EYA4: variants seen among roughly 807,000 people sequenced by gnomAD.
The protein encoded by EYA4 is EYA transcriptional coactivator and phosphatase 4.
A neutral mutation model predicts 87.9 loss-of-function variants in EYA4; 31 were observed. The observed-to-expected ratio is 0.35, with a 90% CI of 0.27 to 0.48. The LOEUF (loss-of-function observed/expected upper bound fraction) is 0.48, where lower values mean the gene tolerates loss of function less well. Ranked by LOEUF, EYA4 falls within the 20% of genes least tolerant of loss-of-function variation. The pLI, the probability that EYA4 is intolerant of heterozygous loss-of-function variation, is 0.99. For synonymous variants in EYA4, 263 were observed against 270.6 expected, an observed-to-expected ratio of 0.97 and a Z score of 0.28; for missense variants, 678 against 761.4, an observed-to-expected ratio of 0.89 and a Z score of 1.29.
rs1279268748 is a variant in EYA4 at position 133,525,137 on chromosome 6, T to A, written c.1739-17T>A. ...CCAGGTAACTTCACTCTGAACTTTA[T>A]CTCATTTATCTTCCAGGAAAAGAAA... On this transcript the variant is annotated splice_polypyrimidine_tract_variant and intron_variant, in intron 18 of 19. Transcript: ENST00000355286. 2 of 1,613,564 alleles carry A rather than the reference T, an allele frequency of 1.2e-6. No homozygotes were observed. The highest frequency in any genetic ancestry group is 1.3e-5 in the African/African-American group (1 of 74,886).
intron 3 of EYA4, among the ~76,000 whole-genome samples, chr6:133,414,078 T>C (rs1789493730): frequency 6.6e-6 from 1 of 152,218 alleles, no homozygotes; most frequent in African/African-American, 2.4e-5. Context: ...GTCACCTTGG[T>C]AGTGGAGTCT....
intron 5 of EYA4, among the ~76,000 whole-genome samples, chr6:133,450,354 T>A (rs1377921776): frequency 6.6e-6 from 1 of 152,208 alleles, no homozygotes; most frequent in Non-Finnish European, 1.5e-5. Flanking sequence ...ATCTCTTCTG[T>A]TAAGAATAAA....
In EYA4 at chr6:133,370,370, T is replaced by G. The variant is rs1386027177; in HGVS notation, c.34-12022T>G. Among the ~76,000 whole-genome samples, 3 of 152,224 alleles carry G rather than the reference T, an allele frequency of 2.0e-5. No individual in the cohort carries two copies. In the South Asian group the frequency reaches 6.2e-4, roughly 32 times the overall value. ...ACACATTTAAGTGTAGGCAGTTCTA[T>G]CTCAGAGAAAAATATTTTTCTTGTT... On this transcript the variant is annotated intron_variant, in intron 2 of 19. Transcript: ENST00000355286.
intron 2 of EYA4, among the ~76,000 whole-genome samples, chr6:133,315,723 T>A (rs1166122266): frequency 6.6e-6 from 1 of 152,150 alleles, no homozygotes; most frequent in Non-Finnish European, 1.5e-5. Flanking sequence ...TGGAAGTGAA[T>A]GATGGTGAGA....
chr6:133,317,846 C>G (rs1283378501), intron 2 of EYA4, among the ~76,000 whole-genome samples: 1 of 151,532 alleles, frequency 6.6e-6, no homozygotes, highest in Non-Finnish European at 1.5e-5. Flanking sequence ...TTCCCCCATC[C>G]TCCCATGCCC....
At chr6:133,411,194 G>A (rs1341744112) in intron 3 of EYA4, among the ~76,000 whole-genome samples, 18 of 151,960 alleles carry the variant, frequency 1.2e-4, no homozygotes, top group Admixed American at 1.2e-3. Flanking sequence ...TTTTTGATTC[G>A]GTGGTTTTTG....
In EYA4 at chr6:133,520,105, A is replaced by G. The variant is rs531971588; in HGVS notation, c.1617-2951A>G. On this transcript the variant is annotated intron_variant, in intron 17 of 19. Coordinates refer to ENST00000355286, the MANE Select transcript of EYA4 (RefSeq NM_004100.5). ...AGGGATGCCCTCTCTCACCACTCCT[A>G]TTCAACATAGTGTTGGAAGTTCTGG... 5.3e-5 allele frequency among the ~76,000 whole-genome samples: 8 copies of G among 151,960 alleles called. No individual in the cohort carries two copies. In the South Asian group the frequency reaches 1.7e-3, roughly 32 times the overall value.
chr6:133,423,853 C>T (rs1181441985), intron 3 of EYA4, among the ~76,000 whole-genome samples: 1 of 152,220 alleles, frequency 6.6e-6, no homozygotes, highest in African/African-American at 2.4e-5. Context: ...AGCCAGAAAC[C>T]TCTGTGACCG....
At chr6:133,397,133 A>AT (rs1447775211) in intron 3 of EYA4, among the ~76,000 whole-genome samples, 3 of 152,248 alleles carry the variant, frequency 2.0e-5, no homozygotes, top group Non-Finnish European at 4.4e-5. Flanking sequence ...GAACCATGGC[A>AT]TGGCTGCCCA....
chr6:133,470,089 G>C (rs1393613434), intron 11 of EYA4, among the ~76,000 whole-genome samples: 1 of 150,790 alleles, frequency 6.6e-6, no homozygotes, highest in Non-Finnish European at 1.5e-5. Context: ...AAGCTCTTTA[G>C]TTTAATTAGA....
intron 2 of EYA4, among the ~76,000 whole-genome samples, chr6:133,277,946 G>A (rs1488554728): frequency 6.6e-6 from 1 of 152,048 alleles, no homozygotes; most frequent in Non-Finnish European, 1.5e-5. Context: ...TGACTTTCTT[G>A]TTTTACTTTA....
At chr6:133,288,477 TAG>T (rs1778245199) in intron 2 of EYA4, among the ~76,000 whole-genome samples, 1 of 152,134 alleles carries the variant, frequency 6.6e-6, no homozygotes. Flanking sequence ...ATGTCATTAA[TAG>T]AGTTTAGGAG....
chr6:133,303,692 T>A (rs1182130380), intron 2 of EYA4, among the ~76,000 whole-genome samples: 1 of 152,254 alleles, frequency 6.6e-6, no homozygotes, highest in Non-Finnish European at 1.5e-5. Context: ...TATCCTTTAA[T>A]ACTTGGTTTA....
At chr6:133,400,475 T>C (rs1788166284) in intron 3 of EYA4, among the ~76,000 whole-genome samples, 1 of 148,774 alleles carries the variant, frequency 6.7e-6, no homozygotes, top group South Asian at 2.1e-4. Context: ...ACCACTGAAC[T>C]CTAGCTTGGG....
Position 133,382,384 on chromosome 6 carries a change from T to C in EYA4, c.34-8T>C. On this transcript the variant is annotated splice_region_variant and splice_polypyrimidine_tract_variant and intron_variant, in intron 2 of 19. Coordinates refer to ENST00000355286, the MANE Select transcript of EYA4 (RefSeq NM_004100.5). ...CATATGAGAATAACTAGTACTCTTTTCTTACAGGTAAAGAAAACGTGCACA... is the reference window on the plus strand; with the variant it reads ...CATATGAGAATAACTAGTACTCTTTCCTTACAGGTAAAGAAAACGTGCACA... The C allele has an allele frequency of 6.3e-7, 1 of 1,598,660 alleles. No individual in the cohort carries two copies. The highest frequency in any genetic ancestry group is 8.6e-7 in the Non-Finnish European group (1 of 1,165,972).
intron 5 of EYA4, among the ~76,000 whole-genome samples, chr6:133,454,036 G>A (rs1793694135): frequency 1.3e-5 from 2 of 152,012 alleles, no homozygotes; most frequent in Non-Finnish European, 2.9e-5. Flanking sequence ...TCAATACTAA[G>A]CTTTTGAAAT....
At chr6:133,312,726 A>C (rs1780325023) in intron 2 of EYA4, among the ~76,000 whole-genome samples, 1 of 152,148 alleles carries the variant, frequency 6.6e-6, no homozygotes, top group South Asian at 2.1e-4. Flanking sequence ...CAACAAAGTA[A>C]ATGTTTTAAC....
At chr6:133,268,737 A>G (rs1348281493) in intron 1 of EYA4, among the ~76,000 whole-genome samples, 1 of 152,172 alleles carries the variant, frequency 6.6e-6, no homozygotes, top group Non-Finnish European at 1.5e-5. Flanking sequence ...CAAGAAAGGG[A>G]TTAGCAGGAA....
intron 1 of EYA4, among the ~76,000 whole-genome samples, chr6:133,270,122 T>C (rs574518374): frequency 6.6e-6 from 1 of 152,188 alleles, no homozygotes; most frequent in Non-Finnish European, 1.5e-5. Context: ...CAAATGTTAA[T>C]CTGTTTTGGC....
Sources: gnomAD v4.1 joint callset for allele counts (sites outside exome capture counted in the v4.1 genomes callset) on GRCh38, gnomAD v4.1.1 for gene constraint, MANE v1.5 for transcripts, NCBI Gene and HGNC (gene_info 2026-07-23, HGNC 2026-07-21) for gene names.